Variants in ROBO2 observed in about 807,000 individuals in gnomAD.
The protein encoded by ROBO2 is roundabout guidance receptor 2, also known as roundabout homolog 2.
ROBO2 carries 53 observed loss-of-function variants against 160.8 expected under a neutral mutation model. That is an observed-to-expected ratio of 0.33 (90% CI 0.26 to 0.41). The LOEUF (loss-of-function observed/expected upper bound fraction) is 0.41. Ranked by LOEUF, ROBO2 falls within the 10% of genes least tolerant of loss-of-function variation. The probability of loss-of-function intolerance (pLI) is 1.00; values close to 1 mark genes in which losing one functional copy is unlikely to be tolerated. For missense variants in ROBO2, 1,577 were observed against 1,722.4 expected (o/e 0.92, Z 1.49); for synonymous variants, 664 against 611.7 (o/e 1.09, Z -1.26).
At chr3:76,592,135 G>T (rs534963765) in intron 2 of ROBO2, among the ~76,000 whole-genome samples, 69 of 152,108 alleles carry the variant, frequency 4.5e-4, no homozygotes, top group African/African-American at 1.4e-3. Flanking sequence ...GAAAGTACCT[G>T]TGTACTTTAA....
rs112802497 is a variant in ROBO2 at position 76,324,248 on chromosome 3, TC to T, written c.109+386647del. Among the ~76,000 whole-genome samples, 51 of 152,332 alleles carry T rather than the reference TC, an allele frequency of 3.3e-4. 1 individual carries two copies. The highest frequency in any genetic ancestry group is 9.4e-4 in the African/African-American group (39 of 41,580). ...ACTGAAAAAGAAAAAAGGTCACTTTTCTAGCTTCAAAAACCACAAGGGATGA... is the reference window on the plus strand; with the variant it reads ...ACTGAAAAAGAAAAAAGGTCACTTTTTAGCTTCAAAAACCACAAGGGATGA... On this transcript the variant is annotated intron_variant, in intron 2 of 26. Coordinates refer to the ROBO2 transcript ENST00000487694.
chr3:76,484,024 G>A (rs944382227), intron 2 of ROBO2, among the ~76,000 whole-genome samples: 3 of 152,088 alleles, frequency 2.0e-5, no homozygotes, highest in Admixed American at 6.6e-5. Flanking sequence ...GGCAAAGAAC[G>A]TACACATGCA....
chr3:76,824,809 T>C (rs1405975768), intron 2 of ROBO2, among the ~76,000 whole-genome samples: 1 of 152,134 alleles, frequency 6.6e-6, no homozygotes, highest in Non-Finnish European at 1.5e-5. Context: ...AAATTCCCAC[T>C]CCCTGCCTCC....
chr3:77,309,820 G>A (rs1487618158), intron 2 of ROBO2, among the ~76,000 whole-genome samples: 1 of 152,176 alleles, frequency 6.6e-6, no homozygotes, highest in Non-Finnish European at 1.5e-5. Flanking sequence ...TACTGTTGAA[G>A]GGTCCATAGA....
intron 2 of ROBO2, among the ~76,000 whole-genome samples, chr3:76,451,191 ACT>A (rs2077458522): frequency 6.6e-6 from 1 of 152,066 alleles, no homozygotes; most frequent in African/African-American, 2.4e-5. Flanking sequence ...AGTCACGTGG[ACT>A]CTTCCAGTTG....
intron 2 of ROBO2, among the ~76,000 whole-genome samples, chr3:76,499,923 A>G (rs143133194): frequency 2.1e-3 from 323 of 152,190 alleles, no homozygotes; most frequent in African/African-American, 7.5e-3. Flanking sequence ...AGTAGGGCAA[A>G]TTACTAGACC....
intron 2 of ROBO2, among the ~76,000 whole-genome samples, chr3:77,014,205 T>A (rs944698490): frequency 6.6e-6 from 1 of 152,098 alleles, no homozygotes; most frequent in African/African-American, 2.4e-5. Context: ...AAACTTTAAA[T>A]GCACTGAATT....
chr3:77,201,898 TG>T (rs2082946936), intron 2 of ROBO2, among the ~76,000 whole-genome samples: 1 of 152,230 alleles, frequency 6.6e-6, no homozygotes, highest in Non-Finnish European at 1.5e-5. Flanking sequence ...TTTAGATTTT[TG>T]CCTTGATCTT....
In ROBO2 at chr3:77,058,696, A is replaced by AT. The variant is rs547180956; in HGVS notation, c.61+17863dup. ...AGGCCTGCACCACCACACTTGGGTAATTTTTTTTTTTTTGTATTTTTTGTA... is the reference window on the plus strand; with the variant it reads ...AGGCCTGCACCACCACACTTGGGTAATTTTTTTTTTTTTTGTATTTTTTGTA... On this transcript the variant is annotated intron_variant, in intron 1 of 25. Coordinates refer to ENST00000461745, the Ensembl canonical transcript of ROBO2. Among the ~76,000 whole-genome samples, 247 of 142,428 alleles carry AT rather than the reference A, an allele frequency of 1.7e-3. 1 individual carries two copies. Among genetic ancestry groups the AT allele is most frequent in the East Asian group, 3.9e-3 (19 of 4,886 alleles). 93.4% of individuals were successfully genotyped at this position (142,428 alleles called of 152,430 possible).
intron 2 of ROBO2, among the ~76,000 whole-genome samples, chr3:76,196,398 T>C (rs1027195728): frequency 6.6e-6 from 1 of 152,138 alleles, no homozygotes; most frequent in African/African-American, 2.4e-5. Flanking sequence ...GAGTGTTTAC[T>C]GGGGGAGAGA....
At chr3:76,058,086 G>A (rs542960923) in intron 2 of ROBO2, among the ~76,000 whole-genome samples, 2 of 114,648 alleles carry the variant, frequency 1.7e-5, no homozygotes, top group Non-Finnish European at 3.4e-5. Flanking sequence ...TCATTATAAA[G>A]AGCTTTTTGT....
intron 2 of ROBO2, among the ~76,000 whole-genome samples, chr3:76,502,153 A>T (rs1188633531): frequency 6.6e-6 from 1 of 152,184 alleles, no homozygotes; most frequent in African/African-American, 2.4e-5. Context: ...CTTTGTTAGG[A>T]CAATGCAGAG....
chr3:77,571,011 A>G (rs2093624908), intron 13 of ROBO2, among the ~76,000 whole-genome samples: 1 of 152,010 alleles, frequency 6.6e-6, no homozygotes. Flanking sequence ...ATGATAAGAA[A>G]CCTGCTGTTC....
intron 2 of ROBO2, among the ~76,000 whole-genome samples, chr3:76,512,338 A>ATATG (rs397784306): frequency 8.1e-5 from 12 of 149,052 alleles, no homozygotes; most frequent in Non-Finnish European, 1.6e-4. Context: ...ATATATATAT[A>ATATG]GTGTACTTTA....
At chr3:77,476,822 T>C (rs529350502) in intron 2 of ROBO2, among the ~76,000 whole-genome samples, 2 of 152,270 alleles carry the variant, frequency 1.3e-5, no homozygotes, top group Admixed American at 6.5e-5. Flanking sequence ...CAGATGTCAC[T>C]CGGCAGGTGG....
intron 2 of ROBO2, among the ~76,000 whole-genome samples, chr3:76,814,863 C>T (rs1406422568): frequency 1.3e-5 from 2 of 151,760 alleles, no homozygotes; most frequent in Non-Finnish European, 2.9e-5. Flanking sequence ...AGGAATTCAC[C>T]ATTTTCTCAG....
chr3:76,108,656 A>G (rs2070065285), intron 2 of ROBO2, among the ~76,000 whole-genome samples: 1 of 151,898 alleles, frequency 6.6e-6, no homozygotes, highest in African/African-American at 2.4e-5. Flanking sequence ...TGAGAATAAT[A>G]TCTGACATTA....
chr3:76,147,386 TATTA>T (rs1005435587), intron 2 of ROBO2, among the ~76,000 whole-genome samples: 4 of 151,796 alleles, frequency 2.6e-5, no homozygotes, highest in Admixed American at 2.0e-4. Context: ...TTAATTATCT[TATTA>T]ATTTTAATAA....
At chr3:76,123,350 A>G (rs1306125327) in intron 2 of ROBO2, among the ~76,000 whole-genome samples, 1 of 152,114 alleles carries the variant, frequency 6.6e-6, no homozygotes, top group Non-Finnish European at 1.5e-5. Flanking sequence ...AAGGAACAAT[A>G]TTTTCATGAA....
Sources: allele counts gnomAD v4.1 joint callset (sites outside exome capture counted in the v4.1 genomes callset), GRCh38; gene constraint gnomAD v4.1.1; transcripts MANE v1.5; gene names NCBI Gene and HGNC (gene_info 2026-07-23, HGNC 2026-07-21).